Variants in FUT8 observed in about 807,000 individuals in gnomAD.
FUT8 encodes alpha-(1,6)-fucosyltransferase.
Under a neutral mutation model 71.3 loss-of-function variants are expected in FUT8, and 29 were observed. That is an observed-to-expected ratio of 0.41 (90% CI 0.30 to 0.55). The LOEUF (loss-of-function observed/expected upper bound fraction) is 0.55, where lower values mean the gene tolerates loss of function less well. Ranked by LOEUF, FUT8 falls within the 20% of genes least tolerant of loss-of-function variation. FUT8 has a pLI of 0.34. For missense variants in FUT8, 544 were observed against 702.1 expected, an observed-to-expected ratio of 0.77 and a Z score of 2.55; for synonymous variants, 254 against 239.3, an observed-to-expected ratio of 1.06 and a Z score of -0.57.
intron 3 of FUT8, among the ~76,000 whole-genome samples, chr14:65,594,236 G>T (rs1887842354): frequency 6.6e-6 from 1 of 152,116 alleles, no homozygotes; most frequent in South Asian, 2.1e-4. Flanking sequence ...GCAGGAACTG[G>T]CCAGGGGCCC....
rs1337187337 is a variant in FUT8 at position 65,742,795 on chromosome 14, T to C, written c.*385T>C. On this transcript the variant is annotated 3_prime_UTR_variant, in exon 11 of 11. Coordinates refer to ENST00000673929, the MANE Select transcript of FUT8 (RefSeq NM_001371533.1). ...ATATCTGAGAGACCTGTGTGAACTA[T>C]TGAGAAGATCGGAACAGCTCCTTAC... The C allele has an allele frequency of 5.5e-6, 1 of 180,346 alleles. No individual in the cohort carries two copies. The highest frequency in any genetic ancestry group is 1.2e-5 in the Non-Finnish European group (1 of 83,444). The allele number at this position is 180,346 out of a possible 1,614,324, so 11.2% of individuals were successfully genotyped here. A position where few individuals can be genotyped will look rare whatever the true frequency, so the allele number is the denominator to read the frequency against.
chr14:65,559,697 A>T (rs1316504335), intron 2 of FUT8, among the ~76,000 whole-genome samples: 1 of 152,130 alleles, frequency 6.6e-6, no homozygotes, highest in African/African-American at 2.4e-5. Context: ...ATGCCATCAG[A>T]ATGAATTCAC....
In FUT8 at chr14:65,447,878, C is replaced by G. The variant is rs555884789; in HGVS notation, c.-325-7743C>G. 3.3e-5 allele frequency among the ~76,000 whole-genome samples: 5 copies of G among 152,212 alleles called. No homozygotes were observed. In the East Asian group the frequency reaches 9.7e-4, roughly 29 times the overall value. On this transcript the variant is annotated intron_variant, in intron 1 of 10. Transcript: ENST00000673929. ...AGCTGGGACTAGTACTAAACCTCTTCGTTTCTGTTTCGGGATTAGTTTCTC... is the reference window on the plus strand; with the variant it reads ...AGCTGGGACTAGTACTAAACCTCTTGGTTTCTGTTTCGGGATTAGTTTCTC...
At chr14:65,583,579 A>G (rs1342220772) in intron 3 of FUT8, among the ~76,000 whole-genome samples, 1 of 152,168 alleles carries the variant, frequency 6.6e-6, no homozygotes, top group East Asian at 1.9e-4. Flanking sequence ...AAACTCTGAT[A>G]AGTACCTTAT....
chr14:65,466,291 A>G (rs1345639957), intron 2 of FUT8, among the ~76,000 whole-genome samples: 2 of 152,226 alleles, frequency 1.3e-5, no homozygotes, highest in Non-Finnish European at 2.9e-5. Context: ...AATTATTGAT[A>G]TAGTTGGATT....
chr14:65,582,316 T>TC (rs1887138453), intron 3 of FUT8, among the ~76,000 whole-genome samples: 1 of 152,192 alleles, frequency 6.6e-6, no homozygotes, highest in Admixed American at 6.5e-5. Context: ...GATATAAGAA[T>TC]ATATTTACTT....
the FUT8 span, among the ~76,000 whole-genome samples, chr14:65,370,582 C>G: frequency 6.7e-6 from 1 of 149,556 alleles, no homozygotes; most frequent in African/African-American, 2.4e-5. Flanking sequence ...TATATATAAA[C>G]AAAAATATAT....
In FUT8 at chr14:65,702,305, G is replaced by A. The variant is rs1446312281; in HGVS notation, c.836-19470G>A. Among the ~76,000 whole-genome samples, 6 of 143,592 alleles carry A rather than the reference G, an allele frequency of 4.2e-5. No individual in the cohort carries two copies. The East Asian group carries it at 8.3e-4, about 20-fold the overall frequency. 94.2% of individuals were successfully genotyped at this position (143,592 alleles called of 152,430 possible). ...GGTTGCTGTGAGCTGAGATCATGGC[G>A]TTGCACTCCAACCTGGGCAGCAAGA... On this transcript the variant is annotated intron_variant, in intron 7 of 10. Coordinates refer to ENST00000673929, the MANE Select transcript of FUT8 (RefSeq NM_001371533.1).
upstream of FUT8, among the ~76,000 whole-genome samples, chr14:65,409,647 T>G (rs138908085): frequency 2.0e-4 from 31 of 152,350 alleles, 1 homozygote; most frequent in East Asian, 6.0e-3. The surrounding 1 kb of genome is among the most constrained non-coding windows in gnomAD (Gnocchi z 5.4). Context: ...TGGCCACTCA[T>G]GTACTCACTT....
intron 2 of FUT8, among the ~76,000 whole-genome samples, chr14:65,553,006 A>T (rs2140010270): frequency 6.6e-6 from 1 of 152,058 alleles, no homozygotes; most frequent in Admixed American, 6.6e-5. Flanking sequence ...CCCATCCTGG[A>T]GTAGAATGGT....
chr14:65,411,767 A>G (rs551374829), upstream of FUT8: 2 of 331,370 alleles, frequency 6.0e-6, no homozygotes, highest in South Asian at 4.5e-5. Context: ...AAGAGTTTGG[A>G]ACGGGAAGCT....
At chr14:65,360,497 C>T in the FUT8 span, among the ~76,000 whole-genome samples, 1 of 152,350 alleles carries the variant, frequency 6.6e-6, no homozygotes, top group African/African-American at 2.4e-5. Flanking sequence ...CTTCAGAGGA[C>T]TGGCCTATTA....
chr14:65,679,263 A>G (rs1892918651), intron 7 of FUT8, among the ~76,000 whole-genome samples: 1 of 152,206 alleles, frequency 6.6e-6, no homozygotes, highest in Non-Finnish European at 1.5e-5. Context: ...ATTGGCAAAA[A>G]TAGGCATTAT....
chr14:65,477,133 G>A (rs889063399), intron 2 of FUT8, among the ~76,000 whole-genome samples: 1 of 152,156 alleles, frequency 6.6e-6, no homozygotes, highest in Non-Finnish European at 1.5e-5. Context: ...GCCCTAGAGA[G>A]CACATAAGCT....
At chr14:65,360,074 G>A in the FUT8 span, among the ~76,000 whole-genome samples, 5 of 152,008 alleles carry the variant, frequency 3.3e-5, no homozygotes, top group South Asian at 8.3e-4. Flanking sequence ...CTCATGATCC[G>A]TCCGCCTCAG....
chr14:65,482,035 A>G (rs547843034), intron 2 of FUT8, among the ~76,000 whole-genome samples: 18 of 152,164 alleles, frequency 1.2e-4, no homozygotes, highest in African/African-American at 3.6e-4. Context: ...TCTCATATGG[A>G]TTCTATTTTT....
chr14:65,689,555 T>C (rs558150049), intron 7 of FUT8, among the ~76,000 whole-genome samples: 1 of 152,308 alleles, frequency 6.6e-6, no homozygotes, highest in African/African-American at 2.4e-5. Flanking sequence ...TTTTTGTTTT[T>C]TGTTACAGAG....
At chr14:65,392,763 G>T in the FUT8 span, among the ~76,000 whole-genome samples, 1 of 152,146 alleles carries the variant, frequency 6.6e-6, no homozygotes, top group Non-Finnish European at 1.5e-5. Context: ...GGCTGGAAGC[G>T]TCCTGCTTCT....
intron 3 of FUT8, among the ~76,000 whole-genome samples, chr14:65,571,274 C>T (rs766187488): frequency 1.3e-5 from 2 of 152,028 alleles, no homozygotes; most frequent in African/African-American, 2.4e-5. Flanking sequence ...GCTTGCTGAA[C>T]CTATCCAAAA....
Sources: allele counts gnomAD v4.1 joint callset (sites outside exome capture counted in the v4.1 genomes callset), GRCh38; gene constraint gnomAD v4.1.1; non-coding constraint Gnocchi (gnomAD v3.1); transcripts MANE v1.5; gene names NCBI Gene and HGNC (gene_info 2026-07-23, HGNC 2026-07-21).